The following CTSZ variants were observed in gnomAD, a reference collection of about 807,000 sequenced individuals.
CTSZ encodes cathepsin Z.
Under a neutral mutation model 32.4 loss-of-function variants are expected in CTSZ, and 39 were observed. The observed-to-expected ratio is 1.20, with a 90% CI of 0.93 to 1.57. The LOEUF (loss-of-function observed/expected upper bound fraction) is 1.57. CTSZ is among the 40% of genes most tolerant of loss of function. The probability of loss-of-function intolerance (pLI) is 0.00; values close to 1 mark genes in which losing one functional copy is unlikely to be tolerated. For synonymous variants in CTSZ, 168 were observed against 170.1 expected (o/e 0.99, Z 0.10); for missense variants, 397 against 419.6 (o/e 0.95, Z 0.47).
chr20:59,003,678 G>A (rs1315773741), intron 2 of CTSZ, among the ~76,000 whole-genome samples: 2 of 152,134 alleles, frequency 1.3e-5, no homozygotes, highest in African/African-American at 2.4e-5. Context: ...GGAAGACCCC[G>A]CTGAGGTGAC....
At chr20:59,005,505 C>T (rs934739979) in intron 2 of CTSZ, among the ~76,000 whole-genome samples, 6 of 152,232 alleles carry the variant, frequency 3.9e-5, no homozygotes, top group African/African-American at 9.6e-5. Context: ...TGGCCCACAG[C>T]GGCAGCCACA....
chr20:59,003,722 T>G (rs2091898569), intron 2 of CTSZ, among the ~76,000 whole-genome samples: 2 of 151,996 alleles, frequency 1.3e-5, no homozygotes, highest in African/African-American at 4.8e-5. Flanking sequence ...CCATGGGACC[T>G]CAGGGAGAGA....
In CTSZ at chr20:59,007,084, C is replaced by T; in HGVS notation, c.45G>A (p.Val15=). ...GPGWRPLLLL[V]LLAGAAQGGL... ...CGCCCTGCGCCGCGCCCGCCAGCAG[C>T]ACGAGCAGCAGAAGCGGCCGCCACC... Residue 15 remains valine, a synonymous_variant, in exon 1 of 6, where the codon GTG becomes GTA. Transcript: ENST00000217131. The T allele has an allele frequency of 6.9e-7, 1 of 1,456,408 alleles. No homozygotes were observed. Among genetic ancestry groups the T allele is most frequent in the Non-Finnish European group, 9.0e-7 (1 of 1,109,716 alleles). 90.2% of individuals were successfully genotyped at this position (1,456,408 alleles called of 1,614,324 possible).
chr20:58,995,897 C>T (rs909139735), intron 5 of CTSZ, 138 bp from the exon 6 acceptor site: 1 of 660,662 alleles, frequency 1.5e-6, no homozygotes, highest in Non-Finnish European at 2.6e-6. Context: ...CACTCAGCTG[C>T]CCCTCAGCTT....
chr20:58,999,796 A>G (rs189356), intron 3 of CTSZ, among the ~76,000 whole-genome samples: 79,229 of 151,814 alleles, frequency 0.52, 21,094 homozygotes, highest in African/African-American at 0.59. Context: ...ATGGCCGGGC[A>G]CGGTGGCTCA....
intron 3 of CTSZ, among the ~76,000 whole-genome samples, chr20:58,999,141 T>C (rs2146362310): frequency 6.6e-6 from 1 of 152,254 alleles, no homozygotes; most frequent in South Asian, 2.1e-4. Flanking sequence ...GTTCAAGTGA[T>C]TCTCCTGCCT....
At position 59,007,165 on chromosome 20, in the gene CTSZ, C is replaced by G; in HGVS notation, c.-37G>C. On this transcript the variant is annotated 5_prime_UTR_variant, in exon 1 of 6. Coordinates refer to ENST00000217131, the MANE Select transcript of CTSZ (RefSeq NM_001336.4). ...GGCTCCTGGGTCCCGCTCCGGATCC[C>G]GCTCCGAGTCCCAGATCCCGCGCCG... The G allele has an allele frequency of 7.6e-7, 1 of 1,312,100 alleles. No individual in the cohort carries two copies. Among genetic ancestry groups the G allele is most frequent in the Non-Finnish European group, 9.6e-7 (1 of 1,038,328 alleles). 81.3% of individuals were successfully genotyped at this position (1,312,100 alleles called of 1,614,324 possible). A position where few individuals can be genotyped will look rare whatever the true frequency, so the allele number is the denominator to read the frequency against.
Position 59,007,070 on chromosome 20 carries a change from G to C in CTSZ, c.59C>G (p.Ala20Gly). Residue 20 changes from alanine (A) to glycine (G), a missense_variant, in exon 1 of 6, where the codon GCG (alanine) becomes GGG (glycine). Physicochemically the swap from Ala to Gly is moderately conservative, Grantham distance 60. Transcript: ENST00000217131. ...PLLLLVLLAGAAQGGLYFRRG... is the reference protein window; with the variant it reads ...PLLLLVLLAGGAQGGLYFRRG... ...GCGGAAGTAGAGGCCGCCCTGCGCC[G>C]CGCCCGCCAGCAGCACGAGCAGCAG... 6.8e-7 allele frequency: 1 copy of C among 1,460,372 alleles called. No homozygotes were observed. The highest frequency in any genetic ancestry group is 9.0e-7 in the Non-Finnish European group (1 of 1,111,956). 90.5% of individuals were successfully genotyped at this position (1,460,372 alleles called of 1,614,324 possible).
At chr20:58,997,301 A>G (rs1414274613) in intron 4 of CTSZ, 4 of 278,828 alleles carry the variant, frequency 1.4e-5, no homozygotes, top group Non-Finnish European at 2.7e-5. Context: ...CCCTCGGTAC[A>G]GCTTGGAGCG....
chr20:58,996,511 C>T, intron 5 of CTSZ, 128 bp downstream of exon 5: 1 of 994,360 alleles, frequency 1.0e-6, no homozygotes, highest in South Asian at 1.4e-5. Flanking sequence ...GTGGCTGAGA[C>T]AGCTGGAGCA....
intron 3 of CTSZ, among the ~76,000 whole-genome samples, chr20:59,001,224 C>T (rs112290012): frequency 6.3e-4 from 96 of 152,292 alleles, no homozygotes; most frequent in African/African-American, 2.3e-3. Context: ...CCAGCCCAAG[C>T]GGGTGCAAGA....
At position 59,002,894 on chromosome 20, in the gene CTSZ, C is replaced by G. The variant is rs569261732; in HGVS notation, c.308-1250G>C. 1.5e-3 allele frequency among the ~76,000 whole-genome samples: 225 copies of G among 152,118 alleles called. 1 individual carries two copies. Among genetic ancestry groups the G allele is most frequent in the Non-Finnish European group, 9.3e-4 (63 of 67,998 alleles). ...CCTTGTCAGCTATGCCCCCTCTAAGCAGATCTGCACACCCCAAACTTGCCT... is the reference window on the plus strand; with the variant it reads ...CCTTGTCAGCTATGCCCCCTCTAAGGAGATCTGCACACCCCAAACTTGCCT... On this transcript the variant is annotated intron_variant, in intron 2 of 5. Transcript: ENST00000217131. The surrounding 1 kb of genome is among the most constrained non-coding windows in gnomAD (Gnocchi z 4.1).
At chr20:59,006,559 G>C in intron 1 of CTSZ, 74 bp from the exon 2 acceptor site, 2 of 1,483,856 alleles carry the variant, frequency 1.3e-6, no homozygotes, top group South Asian at 1.2e-5. Flanking sequence ...GCCCTCGGTA[G>C]GGCCCTCCCG....
chr20:59,005,597 A>C (rs2091905851), intron 2 of CTSZ, among the ~76,000 whole-genome samples: 1 of 152,176 alleles, frequency 6.6e-6, no homozygotes, highest in South Asian at 2.1e-4. Flanking sequence ...ACAGCACCAC[A>C]GTGCTCATGG....
chr20:59,006,484 T>G lies in CTSZ; in HGVS notation c.145A>C (p.Thr49Pro). 1 of 1,611,028 alleles carries G rather than the reference T, an allele frequency of 6.2e-7. No homozygotes were observed. The highest frequency in any genetic ancestry group is 2.2e-5 in the East Asian group (1 of 44,864). Residue 49 changes from threonine to proline, a missense_variant and splice_region_variant, in exon 2 of 6, where the codon ACA becomes CCA. Coordinates refer to ENST00000217131, the MANE Select transcript of CTSZ (RefSeq NM_001336.4). ...GDGLAPLGRSTYPRPHEYLSP... is the reference protein window; with the variant it reads ...GDGLAPLGRSPYPRPHEYLSP... ...AGGTACTCATGAGGCCGGGGGTATG[T>G]GCTGAGAAGAGATCATCCCCACCCA...
intron 2 of CTSZ, among the ~76,000 whole-genome samples, chr20:59,005,344 G>C (rs553593453): frequency 6.6e-6 from 1 of 152,080 alleles, no homozygotes; most frequent in South Asian, 2.1e-4. Flanking sequence ...CCAGGCTTCC[G>C]GGCTCAAATC....
intron 4 of CTSZ, chr20:58,997,346 C>G (rs1470539573): frequency 5.9e-6 from 2 of 341,332 alleles, no homozygotes; most frequent in African/African-American, 4.2e-5. Context: ...TCCATAGGGG[C>G]AGACTTGCTA....
chr20:59,005,024 C>T (rs2091903751), intron 2 of CTSZ, among the ~76,000 whole-genome samples: 1 of 152,074 alleles, frequency 6.6e-6, no homozygotes, highest in Admixed American at 6.5e-5. Context: ...CTCCCCTCAC[C>T]CTCACCCCAC....
At chr20:59,006,296 C>T (rs763025483) in intron 2 of CTSZ, 26 bp downstream of exon 2, 1 of 1,573,376 alleles carries the variant, frequency 6.4e-7, no homozygotes. Flanking sequence ...GCTTTCCTGG[C>T]CCACAGTCAA....
Sources: allele counts gnomAD v4.1 joint callset (sites outside exome capture counted in the v4.1 genomes callset), GRCh38; gene constraint gnomAD v4.1.1; non-coding constraint Gnocchi (gnomAD v3.1); transcripts MANE v1.5; gene names NCBI Gene and HGNC (gene_info 2026-07-23, HGNC 2026-07-21).